GPATCH1: variants seen among roughly 807,000 people sequenced by gnomAD.
GPATCH1 encodes the protein G patch domain-containing protein 1.
In GPATCH1, 73 loss-of-function variants were observed where a neutral mutation model predicts 114.9. That is an observed-to-expected ratio of 0.64 (90% CI 0.53 to 0.77). The LOEUF is 0.77. GPATCH1 is among the 30% of genes least tolerant of loss of function. The probability of loss-of-function intolerance (pLI) is 0.00; values close to 1 mark genes in which losing one functional copy is unlikely to be tolerated. For missense variants in GPATCH1, 1,058 were observed against 1,144.3 expected (o/e 0.92, Z 1.09); for synonymous variants, 391 against 428.4 (o/e 0.91, Z 1.08).
intron 17 of GPATCH1, among the ~76,000 whole-genome samples, chr19:33,124,214 A>G (rs1207536036): frequency 1.3e-5 from 2 of 152,068 alleles, no homozygotes; most frequent in African/African-American, 4.8e-5. Context: ...TACTATTGTG[A>G]AATTTTGTTG....
At chr19:33,115,255 T>C (rs1436467184) in intron 15 of GPATCH1, among the ~76,000 whole-genome samples, 2 of 109,636 alleles carry the variant, frequency 1.8e-5, no homozygotes, top group Admixed American at 9.4e-5. Context: ...TTTTTTTTTT[T>C]TCAGAGAAAG....
chr19:33,130,125 TC>T lies in GPATCH1; in HGVS notation c.2766-3del. 1.2e-6 allele frequency: 2 copies of T among 1,610,638 alleles called. No homozygotes were observed. The highest frequency in any genetic ancestry group is 1.7e-6 in the Non-Finnish European group (2 of 1,176,912). On this transcript the variant is annotated splice_polypyrimidine_tract_variant and splice_region_variant and intron_variant, in intron 19 of 19. Coordinates refer to ENST00000170564, the MANE Select transcript of GPATCH1 (RefSeq NM_018025.3). ...CATTTCTCTCTTTTCTGTTTTCTTT[TC>T]CAGGCTGAAAAGTCTTCCACTAAGA...
chr19:33,110,790 G>A (rs1359931609), intron 11 of GPATCH1, among the ~76,000 whole-genome samples: 4 of 151,668 alleles, frequency 2.6e-5, no homozygotes, highest in African/African-American at 9.7e-5. Context: ...CCTCTCAAAT[G>A]GTTTTCTCTG....
At chr19:33,108,899 A>G (rs1298335343) in intron 10 of GPATCH1, among the ~76,000 whole-genome samples, 1 of 152,176 alleles carries the variant, frequency 6.6e-6, no homozygotes, top group Non-Finnish European at 1.5e-5. Context: ...GTGTGCATGT[A>G]TTAACTTCCA....
chr19:33,094,129 A>G (rs1037924515), intron 4 of GPATCH1, 43 bp from the exon 5 acceptor site: 2 of 1,017,436 alleles, frequency 2.0e-6, no homozygotes, highest in Non-Finnish European at 3.1e-6. Context: ...TTCTTTGTTA[A>G]TGTTATTTTG....
chr19:33,086,835 G>C (rs150128500), intron 1 of GPATCH1, among the ~76,000 whole-genome samples: 1 of 151,898 alleles, frequency 6.6e-6, no homozygotes, highest in Non-Finnish European at 1.5e-5. Flanking sequence ...TTGGCTGGAC[G>C]CGGTCGCTCA....
In GPATCH1 at chr19:33,088,181, G is replaced by C; in HGVS notation, c.121G>C (p.Asp41His). 1 of 1,584,952 alleles carries C rather than the reference G, an allele frequency of 6.3e-7. No homozygotes were observed. Among genetic ancestry groups the C allele is most frequent in the Non-Finnish European group, 8.6e-7 (1 of 1,159,476 alleles). ...CCCTCTTCAGGATCAGACTGTCAGA[G>C]ATGAAAAAGGAAGGTATAAACGATT... ...PIPLQDQTVR[D>H]EKGRYKRFHG... is the part of the protein sequence containing the mutation. The change falls in exon 2 of 20, where the codon GAT becomes CAT. Residue 41 changes from aspartate to histidine, a missense_variant. Asp to His is a moderately conservative substitution (Grantham distance 81). Coordinates refer to ENST00000170564, the MANE Select transcript of GPATCH1 (RefSeq NM_018025.3).
chr19:33,098,023 A>G (rs1972683494), intron 8 of GPATCH1, 121 bp downstream of exon 8: 3 of 979,904 alleles, frequency 3.1e-6, no homozygotes, highest in Non-Finnish European at 4.6e-6. Flanking sequence ...GGTAAGAAAC[A>G]AAACAAAGAA....
intron 19 of GPATCH1, among the ~76,000 whole-genome samples, chr19:33,127,711 A>G (rs1973059010): frequency 6.6e-6 from 1 of 151,638 alleles, no homozygotes; most frequent in Admixed American, 6.6e-5. Flanking sequence ...GCACATACAC[A>G]TTGTTTGTTT....
At chr19:33,105,899 G>A (rs925884583) in intron 9 of GPATCH1, among the ~76,000 whole-genome samples, 1 of 151,752 alleles carries the variant, frequency 6.6e-6, no homozygotes, top group African/African-American at 2.4e-5. Flanking sequence ...CTGCACCGGG[G>A]TGCAGTGGCG....
Position 33,081,186 on chromosome 19 carries a change from A to C in GPATCH1, c.-8A>C. On this transcript the variant is annotated 5_prime_UTR_variant, in exon 1 of 20. Coordinates refer to ENST00000170564, the MANE Select transcript of GPATCH1 (RefSeq NM_018025.3). ...CCGTAGCGAGGGGGCGGGGCCCGGA[A>C]GAGCAGGATGGCGGCGCGGGACAGT... 1 of 1,551,046 alleles carries C rather than the reference A, an allele frequency of 6.4e-7. No individual in the cohort carries two copies. The highest frequency in any genetic ancestry group is 8.7e-7 in the Non-Finnish European group (1 of 1,146,754).
Position 33,088,285 on chromosome 19 carries a change from T to C in GPATCH1, c.208+17T>C. 1 of 1,565,594 alleles carries C rather than the reference T, an allele frequency of 6.4e-7. No individual in the cohort carries two copies. Among genetic ancestry groups the C allele is most frequent in the African/African-American group, 1.4e-5 (1 of 73,088 alleles). On this transcript the variant is annotated intron_variant, in intron 2 of 19. Transcript: ENST00000170564. Reference sequence around the variant, plus strand: ...CAAAAGAAGGTATCATTTTCCTAATTGTAGCTATTATACCATTAAAGCAAA... The same window carrying C: ...CAAAAGAAGGTATCATTTTCCTAATCGTAGCTATTATACCATTAAAGCAAA...
intron 4 of GPATCH1, 107 bp downstream of exon 4, chr19:33,093,626 G>T (rs2145308041): frequency 1.9e-6 from 2 of 1,053,120 alleles, no homozygotes; most frequent in East Asian, 2.4e-5. Context: ...GCCTTCTTAG[G>T]CTCAAAGTCT....
chr19:33,122,615 G>A (rs549637409), intron 17 of GPATCH1, among the ~76,000 whole-genome samples: 4 of 152,202 alleles, frequency 2.6e-5, no homozygotes, highest in Admixed American at 6.5e-5. Flanking sequence ...GAGCCACCAC[G>A]CCCGGCCGGC....
In GPATCH1 at chr19:33,106,727, T is replaced by C; in HGVS notation, c.1113T>C (p.Tyr371=). Residue 371 remains tyrosine, a synonymous_variant, in exon 10 of 20, where the codon TAT becomes TAC. Transcript: ENST00000170564. ...IYPPPELPRD[Y]RPVHYFRPMV... ...CACCTCCAGAGCTGCCAAGAGACTA[T>C]CGACCAGTGCATTATTTCAGACCCA... 1.2e-6 allele frequency: 2 copies of C among 1,613,912 alleles called. No homozygotes were observed. Among genetic ancestry groups the C allele is most frequent in the Non-Finnish European group, 1.7e-6 (2 of 1,179,962 alleles).
Position 33,109,811 on chromosome 19 carries a change from C to T in GPATCH1, c.1380C>T (p.Leu460=). The T allele has an allele frequency of 9.3e-6, 15 of 1,613,526 alleles. No individual in the cohort carries two copies. Among genetic ancestry groups the T allele is most frequent in the Non-Finnish European group, 1.3e-5 (15 of 1,179,642 alleles). Residue 460 remains leucine (L), a synonymous_variant, in exon 11 of 20, where the codon CTC becomes CTT. Coordinates refer to ENST00000170564, the MANE Select transcript of GPATCH1 (RefSeq NM_018025.3). ...CAACTGACCTGAAAGCAGCTCAGCTCAAGGCCAGGAGTCTGGCCCAGAACG... is the reference window on the plus strand; with the variant it reads ...CAACTGACCTGAAAGCAGCTCAGCTTAAGGCCAGGAGTCTGGCCCAGAACG... ...KQATDLKAAQ[L]KARSLAQNAQ... is the part of the protein sequence containing the mutation.
intron 11 of GPATCH1, among the ~76,000 whole-genome samples, chr19:33,110,440 G>A (rs1220059692): frequency 6.6e-6 from 1 of 152,148 alleles, no homozygotes; most frequent in East Asian, 1.9e-4. Flanking sequence ...GTTACAGAGG[G>A]AAAACAATCA....
intron 17 of GPATCH1, among the ~76,000 whole-genome samples, chr19:33,121,696 C>T (rs1283761825): frequency 6.6e-6 from 1 of 152,168 alleles, no homozygotes; most frequent in East Asian, 1.9e-4. Flanking sequence ...CAATCTATCC[C>T]CCATTCTGTT....
chr19:33,112,464 C>G (rs1194273231), intron 12 of GPATCH1, 22 bp from the exon 13 acceptor site: 1 of 1,613,516 alleles, frequency 6.2e-7, no homozygotes, highest in African/African-American at 1.3e-5. Context: ...CTTGATGGAA[C>G]AGAATGCATG....
Sources: allele counts gnomAD v4.1 joint callset (sites outside exome capture counted in the v4.1 genomes callset), GRCh38; gene constraint gnomAD v4.1.1; transcripts MANE v1.5; gene names NCBI Gene and HGNC (gene_info 2026-07-23, HGNC 2026-07-21).